LNPEP: variants seen among roughly 807,000 people sequenced by gnomAD.
The protein encoded by LNPEP is leucyl and cystinyl aminopeptidase.
A neutral mutation model predicts 120.6 loss-of-function variants in LNPEP; 64 were observed. The observed-to-expected ratio is 0.53, with a 90% confidence interval of 0.43 to 0.65. The LOEUF is 0.65. Ranked by LOEUF, LNPEP falls within the 30% of genes least tolerant of loss-of-function variation. The probability of loss-of-function intolerance (pLI) is 0.00; values close to 1 mark genes in which losing one functional copy is unlikely to be tolerated. For synonymous variants in LNPEP, 435 were observed against 425.4 expected, an observed-to-expected ratio of 1.02 and a Z score of -0.28; for missense variants, 1,057 against 1,200.0, an observed-to-expected ratio of 0.88 and a Z score of 1.76.
At chr5:97,026,543 A>G (rs1791343648) in intron 15 of LNPEP, 74 bp from the exon 16 acceptor site, 1 of 1,198,820 alleles carries the variant, frequency 8.3e-7, no homozygotes, top group African/African-American at 1.5e-5. Flanking sequence ...AAACCATACT[A>G]ATTTTAATTT....
At chr5:96,985,470 A>T (rs143713875) in intron 3 of LNPEP, among the ~76,000 whole-genome samples, 175 of 152,298 alleles carry the variant, frequency 1.1e-3, no homozygotes, top group African/African-American at 3.9e-3. Flanking sequence ...TGTGCATTGT[A>T]TATTAAGTTG....
intron 13 of LNPEP, among the ~76,000 whole-genome samples, chr5:97,018,734 C>T (rs1791121400): frequency 6.6e-6 from 1 of 152,164 alleles, no homozygotes; most frequent in Non-Finnish European, 1.5e-5. Context: ...GTATTACTGT[C>T]TAAGACTGAT....
In LNPEP at chr5:97,034,971, A is replaced by G. The variant is rs1043562225; in HGVS notation, c.*6438A>G. 2.0e-5 allele frequency: 3 copies of G among 152,022 alleles called. No homozygotes were observed. The highest frequency in any genetic ancestry group is 4.4e-5 in the Non-Finnish European group (3 of 67,982). 9.4% of individuals were successfully genotyped at this position (152,022 alleles called of 1,614,324 possible). On this transcript the variant is annotated 3_prime_UTR_variant, in exon 18 of 18. Transcript: ENST00000231368. ...GAACACACATATTTATATACTATACACACACATTTTAATGTATATAAATAT... is the reference window on the plus strand; with the variant it reads ...GAACACACATATTTATATACTATACGCACACATTTTAATGTATATAAATAT...
intron 1 of LNPEP, among the ~76,000 whole-genome samples, chr5:96,978,291 G>A (rs1330059874): frequency 6.6e-6 from 1 of 151,836 alleles, no homozygotes; most frequent in African/African-American, 2.4e-5. Flanking sequence ...GTTTGTTGTA[G>A]TTTGTAAAAG....
At chr5:96,969,837 A>G in intron 1 of LNPEP, among the ~76,000 whole-genome samples, 1 of 151,260 alleles carries the variant, frequency 6.6e-6, no homozygotes, top group East Asian at 1.9e-4. Context: ...CCTTTTCCCA[A>G]TATAGGCATT....
chr5:96,967,243 A>G (rs983290723), intron 1 of LNPEP, among the ~76,000 whole-genome samples: 1 of 152,112 alleles, frequency 6.6e-6, no homozygotes, highest in African/African-American at 2.4e-5. Flanking sequence ...CATGTACTAT[A>G]CTGCATTTAC....
intron 13 of LNPEP, among the ~76,000 whole-genome samples, chr5:97,015,412 C>T (rs900149278): frequency 3.3e-5 from 5 of 152,074 alleles, no homozygotes; most frequent in African/African-American, 4.8e-5. Context: ...GAAATAGGCC[C>T]TTTTGCAAAG....
intron 1 of LNPEP, among the ~76,000 whole-genome samples, chr5:96,949,786 G>A (rs1419822600): frequency 1.3e-5 from 2 of 152,092 alleles, no homozygotes; most frequent in African/African-American, 4.8e-5. Context: ...GTGTTTTGTT[G>A]CACACATATT....
At position 96,937,135 on chromosome 5, in the gene LNPEP, T is replaced by G. The variant is rs557433200; in HGVS notation, c.19+961T>G. On this transcript the variant is annotated intron_variant, in intron 1 of 17. Transcript: ENST00000231368. ...GAGGATTCAGTCTCTGGTTGACATGTTTTGCTGAGTGTGGTTGGTTACTTC... is the reference window on the plus strand; with the variant it reads ...GAGGATTCAGTCTCTGGTTGACATGGTTTGCTGAGTGTGGTTGGTTACTTC... The G allele has an allele frequency of 2.0e-5, 3 of 152,306 alleles. No homozygotes were observed. In the South Asian group the frequency reaches 6.2e-4, roughly 32 times the overall value. 9.4% of individuals were successfully genotyped at this position (152,306 alleles called of 1,614,324 possible). A position where few individuals can be genotyped will look rare whatever the true frequency, so the allele number is the denominator to read the frequency against.
chr5:96,988,323 TTTTTCTTTTTC>T, intron 4 of LNPEP, among the ~76,000 whole-genome samples: 1 of 136,854 alleles, frequency 7.3e-6, no homozygotes, highest in Admixed American at 7.4e-5. Flanking sequence ...TGATCTTTCT[TTTTTCTTTTTC>T]TTTTCTTTTT....
At chr5:96,982,791 G>T (rs1263821133) in intron 2 of LNPEP, among the ~76,000 whole-genome samples, 1 of 151,992 alleles carries the variant, frequency 6.6e-6, no homozygotes, top group African/African-American at 2.4e-5. Flanking sequence ...CAGAAAAAAA[G>T]CAAAAACAAA....
At chr5:96,942,714 G>T (rs1420395309) in intron 1 of LNPEP, among the ~76,000 whole-genome samples, 1 of 140,688 alleles carries the variant, frequency 7.1e-6, no homozygotes, top group Non-Finnish European at 1.5e-5. Context: ...CCACACACTG[G>T]GGCCTGTCAT....
intron 8 of LNPEP, among the ~76,000 whole-genome samples, chr5:96,998,936 G>A (rs1319282873): frequency 1.3e-5 from 2 of 152,136 alleles, no homozygotes; most frequent in African/African-American, 4.8e-5. Context: ...GTGAAGTATA[G>A]GGTAGGGCAG....
intron 4 of LNPEP, among the ~76,000 whole-genome samples, chr5:96,988,339 C>CTTTTTTTTTTTTT (rs201343272): frequency 1.2e-4 from 15 of 125,234 alleles, no homozygotes; most frequent in East Asian, 2.2e-4. Context: ...TTTTTCTTTT[C>CTTTTTTTTTTTTT]TTTTTTTTTT....
In LNPEP at chr5:97,037,076, C is replaced by T. The variant is rs138351770; in HGVS notation, c.*8543C>T. On this transcript the variant is annotated 3_prime_UTR_variant, in exon 18 of 18. Transcript: ENST00000231368. ...AATGAGAATTATGGCATAATTGGAG[C>T]ATTTGCATTAATCAACAAACTCACA... The T allele has an allele frequency of 2.6e-5, 4 of 152,216 alleles. No individual in the cohort carries two copies. The highest frequency in any genetic ancestry group is 1.3e-4 in the Admixed American group (2 of 15,270). The allele number at this position is 152,216 out of a possible 1,614,324, so 9.4% of individuals were successfully genotyped here. A position where few individuals can be genotyped will look rare whatever the true frequency, so the allele number is the denominator to read the frequency against.
chr5:96,960,511 G>T (rs1283995652), intron 1 of LNPEP, among the ~76,000 whole-genome samples: 1 of 152,142 alleles, frequency 6.6e-6, no homozygotes, highest in African/African-American at 2.4e-5. Context: ...ACATTCTAGG[G>T]TGTGGGTTGG....
rs766850334 is a variant in LNPEP at position 97,024,525 on chromosome 5, C to T, written c.2566C>T (p.Pro856Ser). The change falls in exon 15 of 18, where the codon CCT becomes TCT. Residue 856 changes from proline to serine, a missense_variant. Pro to Ser is a moderately conservative substitution (Grantham distance 74). Coordinates refer to ENST00000231368, the MANE Select transcript of LNPEP (RefSeq NM_005575.3). ...GTTTGACCACCTCTCTTACAGCCTA[C>T]CTACTGATGTCATGACAACTGTGTT... ...WMASNGTQSL[P>S]TDVMTTVFKV... 3.1e-6 allele frequency: 5 copies of T among 1,613,484 alleles called. No individual in the cohort carries two copies. Among genetic ancestry groups the T allele is most frequent in the Non-Finnish European group, 3.4e-6 (4 of 1,179,668 alleles).
Position 96,986,530 on chromosome 5 carries a change from TGC to T in LNPEP, c.1000-8_1000-7del, listed in dbSNP as rs1790248426. On this transcript the variant is annotated splice_region_variant and splice_polypyrimidine_tract_variant and intron_variant, in intron 3 of 17. Coordinates refer to ENST00000231368, the MANE Select transcript of LNPEP (RefSeq NM_005575.3). ...AGTTACAGAACTGTCTTTTCCCCTTTGCTTGTAGAAGTCATCAGTCGTTCTAG... is the reference window on the plus strand; with the variant it reads ...AGTTACAGAACTGTCTTTTCCCCTTTTTGTAGAAGTCATCAGTCGTTCTAG... The T allele has an allele frequency of 1.2e-6, 2 of 1,611,416 alleles. No homozygotes were observed.
At chr5:96,989,362 A>AT in intron 4 of LNPEP, among the ~76,000 whole-genome samples, 1 of 23,642 alleles carries the variant, frequency 4.2e-5, no homozygotes, top group African/African-American at 1.8e-4. Flanking sequence ...TATATATTAT[A>AT]TATAATTATA....
Sources: allele counts gnomAD v4.1 joint callset (sites outside exome capture counted in the v4.1 genomes callset), GRCh38; gene constraint gnomAD v4.1.1; transcripts MANE v1.5; gene names NCBI Gene and HGNC (gene_info 2026-07-23, HGNC 2026-07-21).